PLGRKT: variants seen among roughly 807,000 people sequenced by gnomAD.
The protein encoded by PLGRKT is plasminogen receptor (KT).
In PLGRKT, 22 loss-of-function variants were observed where a neutral mutation model predicts 18.5. The observed-to-expected ratio is 1.19, with a 90% CI of 0.85 to 1.70. The LOEUF is 1.70. PLGRKT is among the 40% of genes most tolerant of loss of function. The probability of loss-of-function intolerance (pLI) is 0.00; values close to 1 mark genes in which losing one functional copy is unlikely to be tolerated. For synonymous variants in PLGRKT, 72 were observed against 52.8 expected, an observed-to-expected ratio of 1.36 and a Z score of -1.58; for missense variants, 235 against 174.4, an observed-to-expected ratio of 1.35 and a Z score of -1.96.
intron 3 of PLGRKT, among the ~76,000 whole-genome samples, chr9:5,411,704 A>G (rs1230727996): frequency 1.3e-5 from 2 of 152,350 alleles, no homozygotes; most frequent in East Asian, 3.8e-4. Context: ...AAATCCAACT[A>G]TAAGAATATA....
chr9:5,376,072 G>A (rs1007022292), intron 3 of PLGRKT, among the ~76,000 whole-genome samples: 1 of 152,182 alleles, frequency 6.6e-6, no homozygotes, highest in Non-Finnish European at 1.5e-5. Flanking sequence ...CTTTGGAGAC[G>A]TTTTGCTAAG....
intron 3 of PLGRKT, among the ~76,000 whole-genome samples, chr9:5,386,874 T>C (rs929080494): frequency 6.6e-6 from 1 of 151,924 alleles, no homozygotes; most frequent in African/African-American, 2.4e-5. Context: ...AGGAAACTGC[T>C]CACCAGGTCT....
intron 3 of PLGRKT, among the ~76,000 whole-genome samples, chr9:5,430,412 C>T (rs1818799056): frequency 6.6e-6 from 1 of 152,140 alleles, no homozygotes. Context: ...ATTCAGTTGT[C>T]CATTCTTTCA....
chr9:5,421,980 A>G (rs964461984), intron 3 of PLGRKT, among the ~76,000 whole-genome samples: 2 of 152,234 alleles, frequency 1.3e-5, no homozygotes, highest in Non-Finnish European at 2.9e-5. Context: ...CTAGGGTATC[A>G]ATTCACTATT....
intron 3 of PLGRKT, among the ~76,000 whole-genome samples, chr9:5,390,263 C>T (rs561516011): frequency 7.3e-5 from 11 of 150,120 alleles, no homozygotes; most frequent in Admixed American, 2.7e-4. Flanking sequence ...ATATATTTGC[C>T]TTTCTCCATG....
At chr9:5,424,668 T>TTATATATATATATGTATATA (rs1818655104) in intron 3 of PLGRKT, among the ~76,000 whole-genome samples, 2 of 113,170 alleles carry the variant, frequency 1.8e-5, no homozygotes, top group African/African-American at 8.2e-5. Flanking sequence ...ATTATATATT[T>TTATATATATATATGTATATA]TATATATATA....
chr9:5,412,225 G>A (rs979240000), intron 3 of PLGRKT, among the ~76,000 whole-genome samples: 7 of 152,136 alleles, frequency 4.6e-5, no homozygotes, highest in African/African-American at 1.4e-4. Context: ...TTAATAAGTG[G>A]TATAGGTACC....
At chr9:5,401,153 T>G (rs12000117) in intron 3 of PLGRKT, among the ~76,000 whole-genome samples, 1,877 of 152,006 alleles carry the variant, frequency 0.012, 65 homozygotes, top group African/African-American at 0.044. Flanking sequence ...TCTTTCATTT[T>G]CAAGTATACA....
chr9:5,426,983 A>C (rs1438265579), intron 3 of PLGRKT, among the ~76,000 whole-genome samples: 1 of 152,204 alleles, frequency 6.6e-6, no homozygotes, highest in Non-Finnish European at 1.5e-5. Flanking sequence ...GCATCCATGA[A>C]ATAATAACAG....
rs1235393349 is a variant in PLGRKT, at chr9:5,358,297, G to A, written c.386C>T (p.Thr129Ile). The change falls in exon 6 of 6, where the codon ACT becomes ATT. Residue 129 changes from threonine to isoleucine, a missense_variant. Physicochemically the swap from Thr to Ile is moderately conservative, Grantham distance 89. Coordinates refer to ENST00000223864, the MANE Select transcript of PLGRKT (RefSeq NM_018465.4). ...SKLQLPRGMI[T>I]FESIEKARKE... ...TCTGGCTTTTTCAATGCTTTCAAAA[G>A]TGATCATTCCTCTTGGCAGCTGCAA... 1.9e-6 allele frequency: 3 copies of A among 1,608,618 alleles called. No homozygotes were observed. The highest frequency in any genetic ancestry group is 1.7e-6 in the Non-Finnish European group (2 of 1,175,278).
intron 3 of PLGRKT, among the ~76,000 whole-genome samples, chr9:5,419,354 G>C (rs1388014805): frequency 6.6e-6 from 1 of 152,346 alleles, no homozygotes. Context: ...AATGGTACGT[G>C]TTTGGGAGGC....
At chr9:5,368,472 A>G (rs112077765) in intron 3 of PLGRKT, among the ~76,000 whole-genome samples, 9,424 of 152,228 alleles carry the variant, frequency 0.062, 444 homozygotes, top group African/African-American at 0.13. Context: ...TAAGTGAATT[A>G]ACAAAGGAAC....
At chr9:5,367,032 C>CACACAT (rs1554626419) in intron 3 of PLGRKT, among the ~76,000 whole-genome samples, 1 of 76,960 alleles carries the variant, frequency 1.3e-5, no homozygotes, top group East Asian at 5.1e-4. Context: ...CACACACATA[C>CACACAT]ACACACACAC....
intron 3 of PLGRKT, chr9:5,381,913 G>C (rs1401104901): frequency 2.0e-6 from 2 of 984,848 alleles, no homozygotes; most frequent in Non-Finnish European, 2.4e-6. Context: ...ACCACATCAT[G>C]AGAGGAAGAG....
At chr9:5,361,589 AC>A (rs1264693364) in intron 4 of PLGRKT, among the ~76,000 whole-genome samples, 168 bp downstream of exon 4, 1 of 152,248 alleles carries the variant, frequency 6.6e-6, no homozygotes, top group Non-Finnish European at 1.5e-5. Flanking sequence ...ATTAACTGTT[AC>A]TGCCTTGCTT....
intron 3 of PLGRKT, among the ~76,000 whole-genome samples, chr9:5,420,369 T>C (rs1257666772): frequency 6.6e-6 from 1 of 152,184 alleles, no homozygotes; most frequent in Non-Finnish European, 1.5e-5. Flanking sequence ...GTCACTGAAT[T>C]GTGGTAGACT....
At chr9:5,402,963 G>A (rs990422076) in intron 3 of PLGRKT, among the ~76,000 whole-genome samples, 30 of 151,824 alleles carry the variant, frequency 2.0e-4, no homozygotes, top group Admixed American at 1.3e-3. Context: ...CATTAAAAAC[G>A]TAAAATAAAG....
rs1396227489 is a variant in PLGRKT at position 5,437,777 on chromosome 9, G to C, written c.-133+12C>G. 1 of 152,312 alleles carries C rather than the reference G, an allele frequency of 6.6e-6. No homozygotes were observed. The highest frequency in any genetic ancestry group is 1.5e-5 in the Non-Finnish European group (1 of 68,108). The allele number at this position is 152,312 out of a possible 1,614,324, so 9.4% of individuals were successfully genotyped here. A position where few individuals can be genotyped will look rare whatever the true frequency, so the allele number is the denominator to read the frequency against. ...CCTTCTCCCCACCCGCCTGCGGCCG[G>C]TGTTCACTCACTGGGCGGCGCTGGT... On this transcript the variant is annotated intron_variant, in intron 1 of 5. Coordinates refer to ENST00000223864, the MANE Select transcript of PLGRKT (RefSeq NM_018465.4).
chr9:5,418,216 T>C lies in PLGRKT; in HGVS notation c.81+13681A>G, dbSNP rs983018018. Among the ~76,000 whole-genome samples, 2 of 152,154 alleles carry C rather than the reference T, an allele frequency of 1.3e-5. No individual in the cohort carries two copies. The highest frequency in any genetic ancestry group is 2.4e-5 in the African/African-American group (1 of 41,434). On this transcript the variant is annotated intron_variant, in intron 3 of 5. Coordinates refer to ENST00000223864, the MANE Select transcript of PLGRKT (RefSeq NM_018465.4). The surrounding 1 kb of genome is among the most constrained non-coding windows in gnomAD (Gnocchi z 4.2). ...TTGAGACCTCACCTTCTGCCCTTCA[T>C]GTCTGTCTTGCGGTAAATCAAGAGG...
Sources: gnomAD v4.1 joint callset for allele counts (sites outside exome capture counted in the v4.1 genomes callset) on GRCh38, gnomAD v4.1.1 for gene constraint, Gnocchi (gnomAD v3.1) non-coding constraint, MANE v1.5 for transcripts, NCBI Gene and HGNC (gene_info 2026-07-23, HGNC 2026-07-21) for gene names.